MDGA2: variants seen among roughly 807,000 people sequenced by gnomAD.
MDGA2 encodes the protein MAM domain containing glycosylphosphatidylinositol anchor 2, also known as MAM domain-containing glycosylphosphatidylinositol anchor protein 2.
A neutral mutation model predicts 117.8 loss-of-function variants in MDGA2; 40 were observed. The observed-to-expected ratio is 0.34, with a 90% CI of 0.26 to 0.44. The LOEUF is 0.44. Ranked by LOEUF, MDGA2 falls within the 20% of genes least tolerant of loss-of-function variation. The probability of loss-of-function intolerance (pLI) is 1.00; values close to 1 mark genes in which losing one functional copy is unlikely to be tolerated. For missense variants in MDGA2, 1,123 were observed against 1,250.6 expected, an observed-to-expected ratio of 0.90 and a Z score of 1.54; for synonymous variants, 452 against 439.0, an observed-to-expected ratio of 1.03 and a Z score of -0.37.
At chr14:47,588,401 A>C (rs747197846) in intron 1 of MDGA2, among the ~76,000 whole-genome samples, 5 of 151,626 alleles carry the variant, frequency 3.3e-5, no homozygotes, top group Non-Finnish European at 5.9e-5. Flanking sequence ...ATCAATTTCT[A>C]ACATCCTTGT....
chr14:46,938,903 T>C (rs1204681978), intron 9 of MDGA2, among the ~76,000 whole-genome samples: 2 of 152,180 alleles, frequency 1.3e-5, no homozygotes, highest in Non-Finnish European at 2.9e-5. Context: ...AAATGTAGTA[T>C]ATATACACAA....
intron 1 of MDGA2, among the ~76,000 whole-genome samples, chr14:47,599,036 T>C (rs905209718): frequency 4.6e-5 from 7 of 152,044 alleles, no homozygotes; most frequent in African/African-American, 1.2e-4. Context: ...AAATTACGAA[T>C]CTCGTGTGCT....
At chr14:47,650,942 G>A (rs1897629029) in intron 1 of MDGA2, among the ~76,000 whole-genome samples, 1 of 151,788 alleles carries the variant, frequency 6.6e-6, no homozygotes, top group Non-Finnish European at 1.5e-5. Context: ...CCAAAAATTG[G>A]GTAAATAATT....
chr14:46,919,983 GA>G, intron 10 of MDGA2, 28 bp downstream of exon 10: 1 of 1,548,570 alleles, frequency 6.5e-7, no homozygotes, highest in Non-Finnish European at 8.7e-7. Context: ...GGACCACAAA[GA>G]AAAAAGGACA....
intron 1 of MDGA2, among the ~76,000 whole-genome samples, chr14:47,669,286 G>C (rs1174347318): frequency 6.6e-6 from 1 of 152,032 alleles, no homozygotes; most frequent in East Asian, 1.9e-4. Flanking sequence ...AAGAAATCAA[G>C]ATCATGAAAA....
At chr14:47,510,114 T>A (rs758106803) in intron 1 of MDGA2, among the ~76,000 whole-genome samples, 7 of 152,090 alleles carry the variant, frequency 4.6e-5, no homozygotes, top group Admixed American at 6.6e-5. Context: ...TGGGAGGTGA[T>A]TAGGCCATGC....
intron 14 of MDGA2, among the ~76,000 whole-genome samples, chr14:46,869,187 T>C (rs1278084173): frequency 6.6e-6 from 1 of 152,038 alleles, no homozygotes; most frequent in Non-Finnish European, 1.5e-5. Context: ...GACACAACTT[T>C]ATTGAACCAT....
chr14:47,001,833 T>C (rs1043083696), intron 8 of MDGA2, among the ~76,000 whole-genome samples: 6 of 152,040 alleles, frequency 3.9e-5, no homozygotes, highest in Non-Finnish European at 7.4e-5. Flanking sequence ...GGGAGAAGTA[T>C]TGGTAGCAGC....
intron 7 of MDGA2, among the ~76,000 whole-genome samples, chr14:47,049,634 T>C (rs1889385291): frequency 6.6e-6 from 1 of 152,050 alleles, no homozygotes; most frequent in Admixed American, 6.6e-5. Context: ...GGGGTAGGAA[T>C]GATCCTGTCA....
chr14:47,074,686 T>C (rs978027846), intron 6 of MDGA2, among the ~76,000 whole-genome samples: 1 of 152,230 alleles, frequency 6.6e-6, no homozygotes, highest in Non-Finnish European at 1.5e-5. Flanking sequence ...GTATACAACC[T>C]ATTCTGACCT....
intron 1 of MDGA2, among the ~76,000 whole-genome samples, chr14:47,632,455 C>T (rs1897258972): frequency 6.6e-6 from 1 of 152,148 alleles, no homozygotes; most frequent in South Asian, 2.1e-4. Context: ...CAGTTTTGTT[C>T]ATTCCCTCTA....
chr14:47,053,643 AT>A (rs1889548725), intron 7 of MDGA2, among the ~76,000 whole-genome samples: 2 of 70,020 alleles, frequency 2.9e-5, no homozygotes, highest in Admixed American at 1.5e-4. Context: ...ATATATATAT[AT>A]ATATATATAT....
chr14:47,603,041 C>T (rs960456530), intron 1 of MDGA2, among the ~76,000 whole-genome samples: 1 of 152,116 alleles, frequency 6.6e-6, no homozygotes, highest in South Asian at 2.1e-4. Context: ...CCTTGGGAGC[C>T]TGCTTCTTCT....
chr14:46,953,412 T>C (rs1885440997), intron 9 of MDGA2, among the ~76,000 whole-genome samples: 1 of 151,922 alleles, frequency 6.6e-6, no homozygotes, highest in African/African-American at 2.4e-5. Context: ...ACTCTAAGTA[T>C]ATATAACTGT....
intron 1 of MDGA2, among the ~76,000 whole-genome samples, chr14:47,353,142 C>G (rs1890920696): frequency 6.6e-6 from 1 of 152,066 alleles, no homozygotes; most frequent in Admixed American, 6.5e-5. Flanking sequence ...TCTGGGTGGT[C>G]TTCTGGGTGC....
intron 1 of MDGA2, among the ~76,000 whole-genome samples, chr14:47,403,043 G>T (rs745828488): frequency 1.1e-4 from 17 of 152,060 alleles, no homozygotes; most frequent in Non-Finnish European, 2.2e-4. Flanking sequence ...TCTTTCCCAT[G>T]TTAAAAACAG....
chr14:47,074,666 T>C (rs1425987212), intron 6 of MDGA2, among the ~76,000 whole-genome samples: 2 of 152,228 alleles, frequency 1.3e-5, no homozygotes, highest in Non-Finnish European at 2.9e-5. Flanking sequence ...AAACTCCTGC[T>C]GCATTTGCTG....
At chr14:46,888,123 G>A (rs2138409577) in intron 10 of MDGA2, among the ~76,000 whole-genome samples, 2 of 152,034 alleles carry the variant, frequency 1.3e-5, no homozygotes, top group Admixed American at 1.3e-4. Context: ...TTGATTCCAA[G>A]TCTTTAATTT....
intron 1 of MDGA2, among the ~76,000 whole-genome samples, chr14:47,401,016 T>C (rs1395832771): frequency 4.6e-5 from 7 of 151,296 alleles, no homozygotes; most frequent in Non-Finnish European, 8.8e-5. Flanking sequence ...CTCGGCCTCC[T>C]AAAGTGCTGG....
Sources: allele counts gnomAD v4.1 joint callset (sites outside exome capture counted in the v4.1 genomes callset), GRCh38; gene constraint gnomAD v4.1.1; transcripts MANE v1.5; gene names NCBI Gene and HGNC (gene_info 2026-07-23, HGNC 2026-07-21).